The following RPS6KC1 variants were observed in gnomAD, a reference collection of about 807,000 sequenced individuals.
The protein encoded by RPS6KC1 is inactive ribosomal protein S6 kinase delta-1.
A neutral mutation model predicts 103.8 loss-of-function variants in RPS6KC1; 54 were observed. The ratio of observed to expected loss-of-function variants is 0.52; its 90% CI spans 0.42 to 0.65. RPS6KC1 has a LOEUF of 0.65. Among genes scored for constraint, RPS6KC1 ranks in the 30% least tolerant of loss-of-function variants. The pLI, the probability that RPS6KC1 is intolerant of heterozygous loss-of-function variation, is 0.00. For synonymous variants in RPS6KC1, 439 were observed against 438.7 expected, an observed-to-expected ratio of 1.00 and a Z score of -0.01; for missense variants, 1,151 against 1,253.8, an observed-to-expected ratio of 0.92 and a Z score of 1.24.
chr1:213,514,558 C>T, the RPS6KC1 span, among the ~76,000 whole-genome samples: 20 of 152,012 alleles, frequency 1.3e-4, no homozygotes, highest in Admixed American at 1.3e-3. Context: ...AGGACATGAA[C>T]TCATCATTTT....
the RPS6KC1 span, among the ~76,000 whole-genome samples, chr1:213,369,740 G>T: frequency 2.0e-5 from 3 of 152,252 alleles, no homozygotes; most frequent in African/African-American, 7.2e-5. Flanking sequence ...GGCAGCTGGT[G>T]TGGCCAGCAG....
chr1:213,539,286 A>G, the RPS6KC1 span, among the ~76,000 whole-genome samples: 2 of 152,216 alleles, frequency 1.3e-5, no homozygotes, highest in African/African-American at 4.8e-5. Flanking sequence ...TAAGCAGTGG[A>G]ATAAATTGGC....
the RPS6KC1 span, among the ~76,000 whole-genome samples, chr1:213,730,350 T>A: frequency 6.6e-6 from 1 of 152,222 alleles, no homozygotes; most frequent in Non-Finnish European, 1.5e-5. Context: ...ATCATCACAT[T>A]GTCTTCCACA....
the RPS6KC1 span, among the ~76,000 whole-genome samples, chr1:213,610,193 C>T: frequency 1.6e-4 from 24 of 152,262 alleles, no homozygotes; most frequent in South Asian, 4.1e-4. Context: ...TGGTTCTGTA[C>T]GTTCCTGAGC....
the RPS6KC1 span, among the ~76,000 whole-genome samples, chr1:213,404,536 G>A: frequency 3.3e-5 from 5 of 151,944 alleles, no homozygotes; most frequent in Non-Finnish European, 7.4e-5. Flanking sequence ...TCCATGCTAC[G>A]TGAGGACCAA....
intron 3 of RPS6KC1, among the ~76,000 whole-genome samples, chr1:213,103,945 G>A (rs530776305): frequency 7.9e-5 from 12 of 152,110 alleles, no homozygotes; most frequent in Non-Finnish European, 1.8e-4. Context: ...TATGCTGACA[G>A]CATCACACGT....
chr1:213,109,749 T>C (rs569736362), intron 4 of RPS6KC1, among the ~76,000 whole-genome samples: 6 of 152,298 alleles, frequency 3.9e-5, no homozygotes, highest in Admixed American at 3.9e-4. Flanking sequence ...GGTGCTGTTA[T>C]GAATATTGAC....
chr1:213,141,901 T>C (rs1481277753), intron 6 of RPS6KC1, among the ~76,000 whole-genome samples: 1 of 151,760 alleles, frequency 6.6e-6, no homozygotes, highest in Non-Finnish European at 1.5e-5. Context: ...TAGTCAAACG[T>C]TGAGTTTTGG....
At chr1:213,851,115 T>C in the RPS6KC1 span, among the ~76,000 whole-genome samples, 7 of 152,138 alleles carry the variant, frequency 4.6e-5, no homozygotes, top group African/African-American at 1.7e-4. Context: ...AAATGAAACT[T>C]GCCTCCTACT....
intron 1 of RPS6KC1, among the ~76,000 whole-genome samples, chr1:213,061,253 T>C (rs879503275): frequency 2.0e-5 from 3 of 152,258 alleles, no homozygotes; most frequent in Non-Finnish European, 4.4e-5. Flanking sequence ...TTTGACATAA[T>C]GCTTTCGTGA....
At chr1:213,753,075 G>A in the RPS6KC1 span, among the ~76,000 whole-genome samples, 3 of 152,240 alleles carry the variant, frequency 2.0e-5, no homozygotes, top group Admixed American at 1.3e-4. Context: ...GGTTAATGTC[G>A]ATGCTAGTAT....
At chr1:213,205,492 A>G in intron 8 of RPS6KC1, 1 of 262,554 alleles carries the variant, frequency 3.8e-6, no homozygotes, top group Non-Finnish European at 5.7e-6. Flanking sequence ...ATAGTTACTT[A>G]TACCACCAGA....
intron 5 of RPS6KC1, among the ~76,000 whole-genome samples, chr1:213,118,436 T>C (rs1172292371): frequency 6.6e-6 from 1 of 152,186 alleles, no homozygotes; most frequent in Non-Finnish European, 1.5e-5. Flanking sequence ...ATAATATTGC[T>C]TATCTCTTTC....
At chr1:213,741,842 CTGGGAAGCTCGGTA>C in the RPS6KC1 span, among the ~76,000 whole-genome samples, 2 of 151,978 alleles carry the variant, frequency 1.3e-5, no homozygotes, top group African/African-American at 4.8e-5. Context: ...GCTGGGGTGA[CTGGGAAGCTCGGTA>C]TGCTCATTTG....
the RPS6KC1 span, among the ~76,000 whole-genome samples, chr1:213,363,704 T>C: frequency 9.7e-6 from 1 of 103,182 alleles, no homozygotes; most frequent in Non-Finnish European, 1.9e-5. Context: ...CTTTCTTTCC[T>C]TCTTTCTTTC....
the RPS6KC1 span, among the ~76,000 whole-genome samples, chr1:213,850,472 C>T: frequency 1.3e-5 from 2 of 152,272 alleles, no homozygotes; most frequent in East Asian, 1.9e-4. Flanking sequence ...TTTGTTCTAC[C>T]CTGCTACACA....
At chr1:213,799,732 C>A in the RPS6KC1 span, among the ~76,000 whole-genome samples, 2 of 152,044 alleles carry the variant, frequency 1.3e-5, no homozygotes, top group Admixed American at 1.3e-4. Context: ...TGTTGTGGTT[C>A]CAGAAAACAG....
At chr1:213,609,883 A>G in the RPS6KC1 span, among the ~76,000 whole-genome samples, 4 of 151,782 alleles carry the variant, frequency 2.6e-5, no homozygotes, top group South Asian at 8.3e-4. Flanking sequence ...ATAAAATTTG[A>G]GAGTATAACC....
the RPS6KC1 span, among the ~76,000 whole-genome samples, chr1:213,599,433 G>GAA: frequency 1.0e-3 from 140 of 138,028 alleles, no homozygotes; most frequent in Middle Eastern, 3.7e-3. Context: ...TAACACTGGA[G>GAA]AAAAAAAAAA....
Sources: gnomAD v4.1 joint callset for allele counts (sites outside exome capture counted in the v4.1 genomes callset) on GRCh38, gnomAD v4.1.1 for gene constraint, MANE v1.5 for transcripts, NCBI Gene and HGNC (gene_info 2026-07-23, HGNC 2026-07-21) for gene names.